The following IGSF11 variants were observed in gnomAD, a reference collection of about 807,000 sequenced individuals.
IGSF11 encodes CXADR like 1.
IGSF11 carries 22 observed loss-of-function variants against 41.0 expected under a neutral mutation model. The ratio of observed to expected loss-of-function variants is 0.54; its 90% CI spans 0.38 to 0.77. IGSF11 has a LOEUF of 0.77. Ranked by LOEUF, IGSF11 falls within the 30% of genes least tolerant of loss-of-function variation. The probability of loss-of-function intolerance (pLI) is 0.00; values close to 1 mark genes in which losing one functional copy is unlikely to be tolerated. For synonymous variants in IGSF11, 219 were observed against 201.3 expected (o/e 1.09, Z -0.74); for missense variants, 444 against 530.8 (o/e 0.84, Z 1.61).
In IGSF11 at chr3:118,971,365, C is replaced by T. The variant is rs116865263; in HGVS notation, c.53-41090G>A. Among the ~76,000 whole-genome samples, 34 of 152,106 alleles carry T rather than the reference C, an allele frequency of 2.2e-4. No homozygotes were observed. The East Asian group carries it at 6.6e-3, about 29-fold the overall frequency. ...ACATGAAAAACAGAACACCAAAATT[C>T]AGGATTATGCCAAAATAAGAAAACA... is the stretch of plus-strand genomic sequence containing the variant. On this transcript the variant is annotated intron_variant, in intron 1 of 6. Coordinates refer to ENST00000393775, the MANE Select transcript of IGSF11 (RefSeq NM_001015887.3).
intron 1 of IGSF11, among the ~76,000 whole-genome samples, chr3:118,963,330 T>C (rs1485653581): frequency 1.3e-5 from 2 of 152,196 alleles, no homozygotes; most frequent in Non-Finnish European, 2.9e-5. Context: ...CTTCAATGGA[T>C]TGTCTCTCTC....
chr3:119,135,483 C>T (rs2077547629), intron 1 of IGSF11, among the ~76,000 whole-genome samples: 1 of 152,290 alleles, frequency 6.6e-6, no homozygotes, highest in Admixed American at 6.5e-5. Flanking sequence ...CACTGGTCAT[C>T]AGAGAAATGC....
chr3:119,109,880 T>C (rs2107517190), upstream of IGSF11, among the ~76,000 whole-genome samples: 1 of 152,336 alleles, frequency 6.6e-6, no homozygotes, highest in African/African-American at 2.4e-5. Context: ...GTTGTTCAGT[T>C]TCCATGTAGT....
chr3:119,031,664 G>C (rs1416357960), intron 1 of IGSF11, among the ~76,000 whole-genome samples: 2 of 152,144 alleles, frequency 1.3e-5, no homozygotes, highest in Admixed American at 1.3e-4. Flanking sequence ...TTCCTGAATA[G>C]TCCATGTTGA....
Position 118,902,797 on chromosome 3 carries a change from T to C in IGSF11, c.1019A>G (p.Asp340Gly). 6.2e-7 allele frequency: 1 copy of C among 1,614,182 alleles called. No homozygotes were observed. The highest frequency in any genetic ancestry group is 8.5e-7 in the Non-Finnish European group (1 of 1,180,006). Residue 340 changes from aspartate to glycine, a missense_variant, in exon 7 of 7, where the codon GAC (aspartate) becomes GGC (glycine). Transcript: ENST00000393775. ...RNTESVSHFS[D>G]LGQSFSFHSG... ...GTGGAAAGAGAAAGATTGGCCCAAGTCACTGAAGTGGCTGACTGACTCTGT... is the reference window on the plus strand; with the variant it reads ...GTGGAAAGAGAAAGATTGGCCCAAGCCACTGAAGTGGCTGACTGACTCTGT...
At chr3:119,114,550 A>G (rs1184868036) in intron 1 of IGSF11, among the ~76,000 whole-genome samples, 1 of 152,324 alleles carries the variant, frequency 6.6e-6, no homozygotes, top group South Asian at 2.1e-4. Flanking sequence ...ACAGTTCCCA[A>G]TAAGTTCCTC....
At chr3:119,112,429 T>C (rs35407025) in intron 1 of IGSF11, among the ~76,000 whole-genome samples, 17,588 of 152,104 alleles carry the variant, frequency 0.12, 1,141 homozygotes, top group East Asian at 0.23. Flanking sequence ...TGGTGTGCCG[T>C]TTCCTAAGCC....
chr3:118,943,236 T>A (rs1439638552), intron 1 of IGSF11: 1 of 152,196 alleles, frequency 6.6e-6, no homozygotes, highest in Non-Finnish European at 1.5e-5. Context: ...TTGATAATTA[T>A]CACAATGATT....
chr3:118,958,983 TC>T (rs976225696), intron 1 of IGSF11, among the ~76,000 whole-genome samples: 1 of 152,170 alleles, frequency 6.6e-6, no homozygotes, highest in African/African-American at 2.4e-5. Flanking sequence ...CCTATTTCCT[TC>T]TGGCAGAAAT....
At chr3:119,099,185 G>A (rs2076903583) in intron 1 of IGSF11, among the ~76,000 whole-genome samples, 1 of 152,188 alleles carries the variant, frequency 6.6e-6, no homozygotes, top group Non-Finnish European at 1.5e-5. Flanking sequence ...TCCCTCTGGT[G>A]TCTAACCTCA....
At chr3:119,041,554 C>T (rs1409047420) in intron 1 of IGSF11, among the ~76,000 whole-genome samples, 1 of 152,074 alleles carries the variant, frequency 6.6e-6, no homozygotes, top group African/African-American at 2.4e-5. Context: ...CACCACACTC[C>T]AGCCTGGGCA....
intron 1 of IGSF11, among the ~76,000 whole-genome samples, chr3:119,049,527 T>A (rs957697929): frequency 1.3e-5 from 2 of 152,014 alleles, no homozygotes; most frequent in Non-Finnish European, 2.9e-5. Flanking sequence ...GAACATTCCA[T>A]GCTCATGGGT....
chr3:119,012,817 G>A (rs1489340563), intron 1 of IGSF11: 1 of 152,150 alleles, frequency 6.6e-6, no homozygotes, highest in African/African-American at 2.4e-5. Flanking sequence ...ATCTCCTCCG[G>A]TCCACTTCCA....
intron 1 of IGSF11, among the ~76,000 whole-genome samples, chr3:119,097,819 C>T (rs962330400): frequency 6.6e-6 from 1 of 151,962 alleles, no homozygotes; most frequent in Non-Finnish European, 1.5e-5. Context: ...GAGACAAGGT[C>T]TTGCTCTGTC....
At chr3:118,947,480 T>C (rs1559942532) in intron 1 of IGSF11, 1 of 152,192 alleles carries the variant, frequency 6.6e-6, no homozygotes, top group Non-Finnish European at 1.5e-5. Flanking sequence ...ACTAAATAAA[T>C]GTTCTTTAAA....
intron 1 of IGSF11, among the ~76,000 whole-genome samples, chr3:118,968,255 C>T (rs1027601168): frequency 6.6e-6 from 1 of 152,166 alleles, no homozygotes; most frequent in Non-Finnish European, 1.5e-5. Context: ...AGGTGCTGAA[C>T]GAGAACAGAG....
Position 118,900,762 on chromosome 3 carries a change from A to G in IGSF11, c.*1758T>C, listed in dbSNP as rs1938756054. 1 of 152,628 alleles carries G rather than the reference A, an allele frequency of 6.6e-6. No homozygotes were observed. Among genetic ancestry groups the G allele is most frequent in the South Asian group, 2.1e-4 (1 of 4,830 alleles). 9.5% of individuals were successfully genotyped at this position (152,628 alleles called of 1,614,324 possible). A position where few individuals can be genotyped will look rare whatever the true frequency, so the allele number is the denominator to read the frequency against. ...ATGGTATTTTCACTTTTCTTTATAAAAAGTATAGACATTCATTTATTTAAA... is the reference window on the plus strand; with the variant it reads ...ATGGTATTTTCACTTTTCTTTATAAGAAGTATAGACATTCATTTATTTAAA... On this transcript the variant is annotated 3_prime_UTR_variant, in exon 7 of 7. Transcript: ENST00000393775.
chr3:118,916,317 G>C (rs1941085484), intron 4 of IGSF11, among the ~76,000 whole-genome samples: 1 of 152,054 alleles, frequency 6.6e-6, no homozygotes, highest in Non-Finnish European at 1.5e-5. Flanking sequence ...CTGGCGAGTT[G>C]GATAAAGAGT....
intron 1 of IGSF11, among the ~76,000 whole-genome samples, chr3:119,097,417 A>G (rs1257003147): frequency 6.6e-6 from 1 of 151,966 alleles, no homozygotes; most frequent in Non-Finnish European, 1.5e-5. Flanking sequence ...AGAACCTCCC[A>G]TTTTTCCTCT....
Sources: allele counts gnomAD v4.1 joint callset (sites outside exome capture counted in the v4.1 genomes callset), GRCh38; gene constraint gnomAD v4.1.1; transcripts MANE v1.5; gene names NCBI Gene and HGNC (gene_info 2026-07-23, HGNC 2026-07-21).